Variants in GPM6A observed in about 807,000 individuals in gnomAD.
GPM6A encodes the protein glycoprotein M6A.
Under a neutral mutation model 32.1 loss-of-function variants are expected in GPM6A, and 7 were observed. That is an observed-to-expected ratio of 0.22 (90% CI 0.12 to 0.41). The LOEUF (loss-of-function observed/expected upper bound fraction) is 0.41. Among genes scored for constraint, GPM6A ranks in the 10% least tolerant of loss-of-function variants. The pLI is 1.00. For synonymous variants in GPM6A, 130 were observed against 123.4 expected (o/e 1.05, Z -0.35); for missense variants, 235 against 347.2 (o/e 0.68, Z 2.57).
At chr4:175,971,710 T>C (rs1309792801) in intron 1 of GPM6A, among the ~76,000 whole-genome samples, 2 of 152,232 alleles carry the variant, frequency 1.3e-5, no homozygotes, top group African/African-American at 4.8e-5. Flanking sequence ...CTGCTGGAGC[T>C]GTCTTTCTGT....
At chr4:175,973,754 C>G (rs1740575528) in intron 1 of GPM6A, among the ~76,000 whole-genome samples, 1 of 152,170 alleles carries the variant, frequency 6.6e-6, no homozygotes, top group Non-Finnish European at 1.5e-5. Context: ...GATAAAATAG[C>G]AAATGTTTTC....
chr4:175,820,460 AGTTAG>A (rs1735238626), intron 1 of GPM6A, among the ~76,000 whole-genome samples: 1 of 149,446 alleles, frequency 6.7e-6, no homozygotes, highest in African/African-American at 2.5e-5. Flanking sequence ...TACACACCAT[AGTTAG>A]TATTGTTTTG....
At chr4:175,885,737 A>T (rs1365591968) in intron 1 of GPM6A, among the ~76,000 whole-genome samples, 1 of 152,228 alleles carries the variant, frequency 6.6e-6, no homozygotes, top group African/African-American at 2.4e-5. Context: ...TGTTCATTGT[A>T]GCAGTTGCTT....
intron 2 of GPM6A, among the ~76,000 whole-genome samples, chr4:175,692,727 T>G (rs928842142): frequency 2.0e-5 from 3 of 152,146 alleles, no homozygotes; most frequent in Non-Finnish European, 4.4e-5. Context: ...ATATTGCTTG[T>G]ATCCTTCTTA....
intron 1 of GPM6A, among the ~76,000 whole-genome samples, chr4:175,936,622 AT>A (rs1739244375): frequency 6.6e-6 from 1 of 152,142 alleles, no homozygotes; most frequent in Non-Finnish European, 1.5e-5. Flanking sequence ...ATAAAAGAAT[AT>A]TTCAGAATGT....
At chr4:175,650,428 C>G (rs1189831779) in intron 4 of GPM6A, among the ~76,000 whole-genome samples, 16 of 151,988 alleles carry the variant, frequency 1.1e-4, no homozygotes. Flanking sequence ...CCTCAGCCTC[C>G]CACGTAGCTG....
At chr4:175,866,706 A>G in intron 1 of GPM6A, among the ~76,000 whole-genome samples, 1 of 152,196 alleles carries the variant, frequency 6.6e-6, no homozygotes, top group East Asian at 1.9e-4. Context: ...TTGGAAATTA[A>G]GGATAAAGCT....
chr4:175,784,057 A>G (rs1382234580), intron 1 of GPM6A, among the ~76,000 whole-genome samples: 4 of 152,140 alleles, frequency 2.6e-5, no homozygotes, highest in African/African-American at 4.8e-5. Flanking sequence ...GAAGTAACCT[A>G]GTAGAAAACA....
chr4:175,728,686 C>T (rs1731283512), intron 1 of GPM6A, among the ~76,000 whole-genome samples: 1 of 152,202 alleles, frequency 6.6e-6, no homozygotes, highest in Admixed American at 6.5e-5. Context: ...TTCAGTTGCA[C>T]TGTAACTTAC....
intron 2 of GPM6A, among the ~76,000 whole-genome samples, chr4:175,676,417 G>T (rs917171412): frequency 2.0e-5 from 3 of 152,132 alleles, no homozygotes; most frequent in Non-Finnish European, 4.4e-5. Context: ...ATCAACTACT[G>T]TATCTTCCAC....
chr4:175,975,302 T>G (rs533610151), intron 1 of GPM6A, among the ~76,000 whole-genome samples: 4 of 151,938 alleles, frequency 2.6e-5, no homozygotes, highest in African/African-American at 9.7e-5. Context: ...TCTGCCAGAG[T>G]GTTTGTCTAC....
At chr4:175,818,134 G>A (rs1735167386) in intron 1 of GPM6A, among the ~76,000 whole-genome samples, 2 of 152,106 alleles carry the variant, frequency 1.3e-5, no homozygotes, top group South Asian at 2.1e-4. Flanking sequence ...AGTGTTCTTA[G>A]GATAGAACTG....
chr4:175,779,767 C>T (rs143476692), intron 1 of GPM6A, among the ~76,000 whole-genome samples: 9 of 151,614 alleles, frequency 5.9e-5, no homozygotes, highest in East Asian at 5.8e-4. Flanking sequence ...CTGTTGGTAG[C>T]GTGATTGTTA....
chr4:175,681,864 C>T (rs769891283), intron 2 of GPM6A, among the ~76,000 whole-genome samples: 21 of 152,082 alleles, frequency 1.4e-4, no homozygotes, highest in Admixed American at 3.3e-4. Context: ...AATGGTCTAA[C>T]AGAGAAAATT....
intron 1 of GPM6A, among the ~76,000 whole-genome samples, chr4:175,836,885 G>C (rs1266892625): frequency 6.6e-6 from 1 of 152,140 alleles, no homozygotes; most frequent in African/African-American, 2.4e-5. Context: ...GGCTTCACCA[G>C]GCATAGCAGG....
At chr4:175,809,817 C>T (rs897019495) in intron 1 of GPM6A, among the ~76,000 whole-genome samples, 4 of 152,070 alleles carry the variant, frequency 2.6e-5, no homozygotes, top group Admixed American at 6.6e-5. Flanking sequence ...TATATATTTT[C>T]GAACATAGCA....
chr4:175,852,378 C>T (rs575628302), intron 1 of GPM6A, among the ~76,000 whole-genome samples: 9 of 151,644 alleles, frequency 5.9e-5, no homozygotes, highest in African/African-American at 1.5e-4. Flanking sequence ...ATAAATGAAT[C>T]GCCAGAGACC....
At chr4:175,779,806 G>C (rs1054887939) in intron 1 of GPM6A, among the ~76,000 whole-genome samples, 2 of 152,106 alleles carry the variant, frequency 1.3e-5, no homozygotes, top group South Asian at 4.1e-4. Flanking sequence ...CATATATCCT[G>C]AGTAAGGAAA....
intron 1 of GPM6A, among the ~76,000 whole-genome samples, chr4:175,784,480 G>A (rs1381868846): frequency 6.6e-6 from 1 of 152,132 alleles, no homozygotes; most frequent in African/African-American, 2.4e-5. Flanking sequence ...ATTAATGTAT[G>A]ATGGTTATGT....
Sources: gnomAD v4.1 joint callset for allele counts (sites outside exome capture counted in the v4.1 genomes callset) on GRCh38, gnomAD v4.1.1 for gene constraint, MANE v1.5 for transcripts, NCBI Gene and HGNC (gene_info 2026-07-23, HGNC 2026-07-21) for gene names.